The following DUS1L variants were observed in gnomAD, a reference collection of about 807,000 sequenced individuals.
DUS1L encodes dihydrouridine synthase 1 like.
Under a neutral mutation model 61.2 loss-of-function variants are expected in DUS1L, and 56 were observed. That is an observed-to-expected ratio of 0.92 (90% CI 0.74 to 1.14). The LOEUF is 1.14. Ranked by LOEUF, DUS1L falls within the 50% of genes most tolerant of loss-of-function variation. The pLI is 0.00. For missense variants in DUS1L, 630 were observed against 632.4 expected, an observed-to-expected ratio of 1.00 and a Z score of 0.04; for synonymous variants, 278 against 259.5, an observed-to-expected ratio of 1.07 and a Z score of -0.69.
intron 5 of DUS1L, 67 bp from the exon 6 acceptor site, chr17:82,062,050 C>T: frequency 7.1e-7 from 1 of 1,399,646 alleles, no homozygotes; most frequent in Non-Finnish European, 9.5e-7. Flanking sequence ...CCCTCCGCCC[C>T]TCCACGCCCC....
Position 82,062,915 on chromosome 17 carries a change from C to T in DUS1L, c.456G>A (p.Pro152=), listed in dbSNP as rs149239423. Residue 152 remains proline, a synonymous_variant, in exon 5 of 14, where the codon CCG becomes CCA. Coordinates refer to ENST00000306796, the MANE Select transcript of DUS1L (RefSeq NM_022156.5). ...VPVTCKIRVF[P]EIDKTVRYAQ... The stretch of plus-strand genomic sequence containing the variant: ...CGTACCTCACGGTCTTGTCAATCTC[C>T]GGGAAGACACGGATTTTGCACGTGA... The T allele has an allele frequency of 1.1e-4, 180 of 1,612,980 alleles. No homozygotes were observed. The highest frequency in any genetic ancestry group is 1.6e-4 in the Middle Eastern group (1 of 6,082).
chr17:82,064,460 G>A (rs1358063665), intron 2 of DUS1L, among the ~76,000 whole-genome samples: 1 of 152,224 alleles, frequency 6.6e-6, no homozygotes, highest in Non-Finnish European at 1.5e-5. Flanking sequence ...CACAATCACT[G>A]ACTTCTGAAG....
chr17:82,060,285 A>G, intron 10 of DUS1L, 192 bp from the exon 11 acceptor site: 1 of 713,376 alleles, frequency 1.4e-6, no homozygotes, highest in South Asian at 2.0e-5. Context: ...TCTGAGATGG[A>G]GTCCGCAGCT....
Position 82,057,841 on chromosome 17 carries a change from G to C in DUS1L, c.*274C>G, listed in dbSNP as rs1483834314. Reference sequence around the variant, plus strand: ...CACCTGCCCCGGCTCATGCCTCCCTGGGTCTGAGAGGGCAGTGGTCACAGG... The same window carrying C: ...CACCTGCCCCGGCTCATGCCTCCCTCGGTCTGAGAGGGCAGTGGTCACAGG... On this transcript the variant is annotated 3_prime_UTR_variant, in exon 14 of 14. Transcript: ENST00000306796. 3.0e-6 allele frequency: 1 copy of C among 335,304 alleles called. No homozygotes were observed. The highest frequency in any genetic ancestry group is 4.5e-5 in the Admixed American group (1 of 22,130). 20.8% of individuals were successfully genotyped at this position (335,304 alleles called of 1,614,324 possible). A position where few individuals can be genotyped will look rare whatever the true frequency, so the allele number is the denominator to read the frequency against.
chr17:82,062,031 C>T, intron 5 of DUS1L, 48 bp from the exon 6 acceptor site: 1 of 1,511,476 alleles, frequency 6.6e-7, no homozygotes, highest in South Asian at 1.2e-5. Flanking sequence ...CCTTCCGCCC[C>T]TCAGAGCCCC....
At position 82,060,872 on chromosome 17, in the gene DUS1L, C is replaced by T. The variant is rs145224994; in HGVS notation, c.932G>A (p.Arg311Gln). ...IAAVSQELKL[R>Q]CQEEISRQEG... ...ACCAGCCCCAGCACCTGCCTGACACCGCAGCTTCAGCTCCTGGCTCACAGC... is the reference window on the plus strand; with the variant it reads ...ACCAGCCCCAGCACCTGCCTGACACTGCAGCTTCAGCTCCTGGCTCACAGC... Residue 311 changes from arginine (R) to glutamine (Q), a missense_variant, in exon 9 of 14, where the codon CGG (arginine) becomes CAG (glutamine). By Grantham distance (43) the Arg-to-Gln change is conservative (BLOSUM62 1). Coordinates refer to ENST00000306796, the MANE Select transcript of DUS1L (RefSeq NM_022156.5). 4.3e-5 allele frequency: 70 copies of T among 1,612,016 alleles called. No individual in the cohort carries two copies. The highest frequency in any genetic ancestry group is 5.7e-5 in the Non-Finnish European group (67 of 1,179,878).
chr17:82,065,344 G>C, intron 1 of DUS1L: 2 of 411,818 alleles, frequency 4.9e-6, no homozygotes, highest in Non-Finnish European at 8.7e-6. Context: ...GGCGTGAAGG[G>C]GGAAGAAACC....
At chr17:82,058,669 G>T in intron 12 of DUS1L, 112 bp downstream of exon 12, 1 of 1,566,866 alleles carries the variant, frequency 6.4e-7, no homozygotes, top group South Asian at 1.2e-5. Context: ...CTTGAGCCAC[G>T]TTGCAAACCC....
chr17:82,062,006 T>C, intron 5 of DUS1L, 23 bp from the exon 6 acceptor site: 1 of 1,569,658 alleles, frequency 6.4e-7, no homozygotes, highest in Non-Finnish European at 8.6e-7. Flanking sequence ...AGTGGTCGCT[T>C]GACCCCTCCA....
chr17:82,064,724 G>T lies in DUS1L; in HGVS notation c.237+99C>A. On this transcript the variant is annotated intron_variant, in intron 2 of 13. Transcript: ENST00000306796. ...CTGGAATTGAGCTGTCTCTGGAAAG[G>T]CTGAAAGTGATGTCCCGCCACAGAG... 3.2e-6 allele frequency: 4 copies of T among 1,252,264 alleles called. 1 individual carries two copies. Among genetic ancestry groups the T allele is most frequent in the South Asian group, 2.8e-5 (2 of 70,504 alleles). The allele number at this position is 1,252,264 out of a possible 1,614,324, so 77.6% of individuals were successfully genotyped here. A position where few individuals can be genotyped will look rare whatever the true frequency, so the allele number is the denominator to read the frequency against.
At position 82,057,946 on chromosome 17, in the gene DUS1L, G is replaced by C. The variant is rs2033137328; in HGVS notation, c.*169C>G. 1 of 762,804 alleles carries C rather than the reference G, an allele frequency of 1.3e-6. No homozygotes were observed. The highest frequency in any genetic ancestry group is 2.7e-5 in the South Asian group (1 of 36,914). 47.3% of individuals were successfully genotyped at this position (762,804 alleles called of 1,614,324 possible). On this transcript the variant is annotated 3_prime_UTR_variant, in exon 14 of 14. Coordinates refer to ENST00000306796, the MANE Select transcript of DUS1L (RefSeq NM_022156.5). ...CTGAGGACAGGGCAGGTCCAGCCTGGGGCCTGCTCCCCACTGCAGCATTTC... is the reference window on the plus strand; with the variant it reads ...CTGAGGACAGGGCAGGTCCAGCCTGCGGCCTGCTCCCCACTGCAGCATTTC...
chr17:82,065,268 C>G (rs2033717221), intron 1 of DUS1L, 199 bp from the exon 2 acceptor site: 1 of 552,640 alleles, frequency 1.8e-6, no homozygotes, highest in East Asian at 3.0e-5. Flanking sequence ...CTCGGGGGAG[C>G]CGCTGGACCC....
rs1279165150 is a variant in DUS1L, at chr17:82,060,790, A to C, written c.940-7T>G. ...CCTGCCTGGATATCTCCTCCTGCAA[A>C]AGCCCAAGGCCCTGGTCATGGCCCC... On this transcript the variant is annotated splice_region_variant and splice_polypyrimidine_tract_variant and intron_variant, in intron 9 of 13. Coordinates refer to ENST00000306796, the MANE Select transcript of DUS1L (RefSeq NM_022156.5). 2.5e-6 allele frequency: 4 copies of C among 1,612,056 alleles called. No homozygotes were observed. The highest frequency in any genetic ancestry group is 1.1e-5 in the South Asian group (1 of 90,844).
Position 82,058,359 on chromosome 17 carries a change from C to T in DUS1L, c.1264G>A (p.Glu422Lys). 6.7e-7 allele frequency: 1 copy of T among 1,494,336 alleles called. No individual in the cohort carries two copies. The allele number at this position is 1,494,336 out of a possible 1,614,324, so 92.6% of individuals were successfully genotyped here. Reference sequence around the variant, plus strand: ...CCCTCACCTGGGCAGTCTGCAGTCTCTTTGGAGGCTCGCTTCTTGCAGCAG... The same window carrying T: ...CCCTCACCTGGGCAGTCTGCAGTCTTTTTGGAGGCTCGCTTCTTGCAGCAG... ...RGCCKKRASK[E>K]TADCPGHGLL... The change falls in exon 13 of 14, where the codon GAG becomes AAG. Residue 422 changes from glutamate (E) to lysine (K), a missense_variant. Glu to Lys is a moderately conservative substitution (Grantham distance 56, BLOSUM62 1). Transcript: ENST00000306796.
chr17:82,063,263 T>G, intron 4 of DUS1L: 1 of 696,812 alleles, frequency 1.4e-6, no homozygotes, highest in Non-Finnish European at 2.4e-6. Context: ...TACTGTCTGG[T>G]TTTAAGGGGT....
At chr17:82,061,442 G>C in intron 7 of DUS1L, 89 bp from the exon 8 acceptor site, 1 of 1,512,746 alleles carries the variant, frequency 6.6e-7, no homozygotes, top group East Asian at 2.3e-5. Context: ...ACACCCTTCT[G>C]TGCCACCTCA....
rs891003332 is a variant in DUS1L, at chr17:82,057,845, C to T, written c.*270G>A. 3.5e-5 allele frequency: 12 copies of T among 340,152 alleles called. No homozygotes were observed. The highest frequency in any genetic ancestry group is 7.7e-4 in the Middle Eastern group (1 of 1,294). The allele number at this position is 340,152 out of a possible 1,614,324, so 21.1% of individuals were successfully genotyped here. A position where few individuals can be genotyped will look rare whatever the true frequency, so the allele number is the denominator to read the frequency against. On this transcript the variant is annotated 3_prime_UTR_variant, in exon 14 of 14. Transcript: ENST00000306796. The stretch of plus-strand genomic sequence containing the variant: ...TGCCCCGGCTCATGCCTCCCTGGGT[C>T]TGAGAGGGCAGTGGTCACAGGCTGT...
chr17:82,063,353 G>T, intron 4 of DUS1L, 115 bp downstream of exon 4: 2 of 1,429,212 alleles, frequency 1.4e-6, no homozygotes, highest in Non-Finnish European at 1.9e-6. Context: ...CCAGGGTGAT[G>T]CTGAGAACTC....
At chr17:82,059,792 T>C in intron 11 of DUS1L, 156 bp downstream of exon 11, 1 of 1,061,516 alleles carries the variant, frequency 9.4e-7, no homozygotes, top group Non-Finnish European at 1.4e-6. Flanking sequence ...TGACCCCAAG[T>C]CTGGCTGACT....
Sources: allele counts gnomAD v4.1 joint callset (sites outside exome capture counted in the v4.1 genomes callset), GRCh38; gene constraint gnomAD v4.1.1; transcripts MANE v1.5; gene names NCBI Gene and HGNC (gene_info 2026-07-23, HGNC 2026-07-21).